Variants in ARID4B observed in about 807,000 individuals in gnomAD.
ARID4B encodes the protein AT-rich interaction domain 4B, also known as AT-rich interactive domain-containing protein 4B.
In ARID4B, 26 loss-of-function variants were observed where a neutral mutation model predicts 147.5. The observed-to-expected ratio is 0.18, with a 90% CI of 0.13 to 0.24. ARID4B has a LOEUF of 0.24. Ranked by LOEUF, ARID4B falls within the 10% of genes least tolerant of loss-of-function variation. ARID4B has a pLI of 1.00. For missense variants in ARID4B, 1,179 were observed against 1,511.5 expected (o/e 0.78, Z 3.65); for synonymous variants, 512 against 507.9 (o/e 1.01, Z -0.11).
At position 235,224,477 on chromosome 1, in the gene ARID4B, G is replaced by A. The variant is rs140561513; in HGVS notation, c.970+226C>T. On this transcript the variant is annotated intron_variant, in intron 12 of 23. Coordinates refer to ENST00000264183, the MANE Select transcript of ARID4B (RefSeq NM_016374.6). ...GGATTGGCAGGACAGGGTAATAAGT[G>A]CATTTATGTGTCCATAGCCACAATA... 7.5e-4 allele frequency among the ~76,000 whole-genome samples: 114 copies of A among 152,266 alleles called. 1 individual carries two copies. Among genetic ancestry groups the A allele is most frequent in the African/African-American group, 2.6e-3 (110 of 41,554 alleles).
chr1:235,298,154 GA>G (rs2103235492), intron 2 of ARID4B, among the ~76,000 whole-genome samples: 1 of 152,308 alleles, frequency 6.6e-6, no homozygotes, highest in South Asian at 2.1e-4. Context: ...CATGGTGAGG[GA>G]GAAAGGAGAG....
At chr1:235,296,156 A>T in intron 2 of ARID4B, 1 of 168,738 alleles carries the variant, frequency 5.9e-6, no homozygotes, top group Non-Finnish European at 1.3e-5. Flanking sequence ...AAAGTCAACA[A>T]CATTCTTGTG....
chr1:235,244,309 G>A (rs1669166338), intron 7 of ARID4B, among the ~76,000 whole-genome samples: 1 of 152,078 alleles, frequency 6.6e-6, no homozygotes, highest in South Asian at 2.1e-4. Context: ...ATAAACTTTT[G>A]CCAGATTATG....
intron 16 of ARID4B, among the ~76,000 whole-genome samples, chr1:235,218,830 T>C (rs562391540): frequency 6.6e-6 from 1 of 152,084 alleles, no homozygotes; most frequent in South Asian, 2.1e-4. Context: ...CCTGTTCGTC[T>C]GCATACTGTG....
chr1:235,275,028 C>T (rs938860915), intron 2 of ARID4B, among the ~76,000 whole-genome samples: 2 of 147,828 alleles, frequency 1.4e-5, no homozygotes, highest in Non-Finnish European at 2.9e-5. Context: ...TGTGTGCACG[C>T]GCGCAGACCG....
chr1:235,321,723 T>C (rs994306999), intron 2 of ARID4B, among the ~76,000 whole-genome samples: 1 of 152,000 alleles, frequency 6.6e-6, no homozygotes, highest in African/African-American at 2.4e-5. Flanking sequence ...ATGGTCTCAA[T>C]CTCCTGACCT....
chr1:235,247,047 G>A (rs1031346002), intron 6 of ARID4B, among the ~76,000 whole-genome samples: 3 of 152,076 alleles, frequency 2.0e-5, no homozygotes, highest in African/African-American at 7.2e-5. Flanking sequence ...TTAATAAAAT[G>A]TAACATTAAT....
chr1:235,324,273 C>T (rs1411081046), intron 2 of ARID4B, among the ~76,000 whole-genome samples: 2 of 152,124 alleles, frequency 1.3e-5, no homozygotes, highest in African/African-American at 2.4e-5. Context: ...ACCAACATCA[C>T]GATCTATGTT....
intron 2 of ARID4B, among the ~76,000 whole-genome samples, chr1:235,292,507 T>C (rs1464076710): frequency 4.6e-5 from 7 of 151,858 alleles, no homozygotes; most frequent in African/African-American, 1.7e-4. Flanking sequence ...TCCCAGCTAC[T>C]TGGGAGGCTG....
intron 16 of ARID4B, among the ~76,000 whole-genome samples, chr1:235,215,581 A>G (rs7531921): frequency 0.63 from 81,739 of 129,568 alleles, 24,759 homozygotes; most frequent in South Asian, 0.82. Flanking sequence ...GTGTGTGTGT[A>G]TATATTTTTC....
chr1:235,254,023 T>C (rs1248342714), intron 5 of ARID4B, among the ~76,000 whole-genome samples: 1 of 152,150 alleles, frequency 6.6e-6, no homozygotes, highest in African/African-American at 2.4e-5. Context: ...GATAAATAAT[T>C]TTCAGTACAT....
At chr1:235,174,512 G>A (rs1663707660) in intron 22 of ARID4B, among the ~76,000 whole-genome samples, 1 of 152,002 alleles carries the variant, frequency 6.6e-6, no homozygotes, top group South Asian at 2.1e-4. Flanking sequence ...AGAGTTACTA[G>A]GATTGGGGCT....
intron 7 of ARID4B, among the ~76,000 whole-genome samples, chr1:235,241,203 C>T (rs1443589084): frequency 6.6e-6 from 1 of 151,992 alleles, no homozygotes. Context: ...AGAATCAGCA[C>T]CAAAGAAAAT....
chr1:235,252,637 T>C, intron 6 of ARID4B, 93 bp downstream of exon 6: 1 of 996,532 alleles, frequency 1.0e-6, no homozygotes, highest in Non-Finnish European at 1.5e-6. Context: ...ACTTTCCTGA[T>C]TAGGAAGTAG....
At chr1:235,292,484 C>T (rs1240835508) in intron 2 of ARID4B, among the ~76,000 whole-genome samples, 1 of 152,034 alleles carries the variant, frequency 6.6e-6, no homozygotes, top group African/African-American at 2.4e-5. Context: ...GTTGTGGTGG[C>T]TCATGCCTGT....
At chr1:235,232,922 C>G (rs939652825) in intron 9 of ARID4B, among the ~76,000 whole-genome samples, 1 of 152,086 alleles carries the variant, frequency 6.6e-6, no homozygotes, top group African/African-American at 2.4e-5. Flanking sequence ...ACGGCACCCT[C>G]CATCTCCCAG....
chr1:235,220,252 T>C, intron 15 of ARID4B, 50 bp downstream of exon 15: 3 of 1,510,476 alleles, frequency 2.0e-6, no homozygotes, highest in Non-Finnish European at 2.7e-6. Flanking sequence ...ATAGAGGATA[T>C]GGAAAATATA....
chr1:235,240,305 C>A lies in ARID4B; in HGVS notation c.585+8G>T, dbSNP rs764074835. On this transcript the variant is annotated splice_region_variant and intron_variant, in intron 8 of 23. Coordinates refer to ENST00000264183, the MANE Select transcript of ARID4B (RefSeq NM_016374.6). ...GAAATTAAACTCTTGTATACTGAAGCTACTCACCAATGCAGGAAACCACAG... is the reference window on the plus strand; with the variant it reads ...GAAATTAAACTCTTGTATACTGAAGATACTCACCAATGCAGGAAACCACAG... 1 of 1,606,932 alleles carries A rather than the reference C, an allele frequency of 6.2e-7. No individual in the cohort carries two copies. The highest frequency in any genetic ancestry group is 8.5e-7 in the Non-Finnish European group (1 of 1,177,112).
chr1:235,219,053 A>T (rs936499078), intron 16 of ARID4B, among the ~76,000 whole-genome samples: 2 of 151,892 alleles, frequency 1.3e-5, no homozygotes, highest in Admixed American at 1.3e-4. Flanking sequence ...TAGAAGAGAC[A>T]GGGTTTCGGT....
Sources: gnomAD v4.1 joint callset for allele counts (sites outside exome capture counted in the v4.1 genomes callset) on GRCh38, gnomAD v4.1.1 for gene constraint, MANE v1.5 for transcripts, NCBI Gene and HGNC (gene_info 2026-07-23, HGNC 2026-07-21) for gene names.